Variants in GHR observed in about 807,000 individuals in gnomAD.
The protein encoded by GHR is GH receptor.
GHR carries 35 observed loss-of-function variants against 67.1 expected under a neutral mutation model. The observed-to-expected ratio is 0.52, with a 90% CI of 0.40 to 0.69. The LOEUF (loss-of-function observed/expected upper bound fraction) is 0.69. Ranked by LOEUF, GHR falls within the 30% of genes least tolerant of loss-of-function variation. The pLI is 0.00. For missense variants in GHR, 792 were observed against 764.6 expected, an observed-to-expected ratio of 1.04 and a Z score of -0.42; for synonymous variants, 272 against 269.1, an observed-to-expected ratio of 1.01 and a Z score of -0.10.
At chr5:42,659,827 A>G (rs1561204476) in intron 3 of GHR, among the ~76,000 whole-genome samples, 1 of 152,126 alleles carries the variant, frequency 6.6e-6, no homozygotes. Context: ...CAGGAAGCGC[A>G]AGGGGACAGG....
intron 1 of GHR, among the ~76,000 whole-genome samples, chr5:42,453,816 GACT>G (rs1744148952): frequency 6.6e-6 from 1 of 152,172 alleles, no homozygotes. Context: ...GGGGAACAAG[GACT>G]CCTTTTCCAA....
chr5:42,520,185 T>G (rs1747413864), intron 1 of GHR, among the ~76,000 whole-genome samples: 1 of 152,162 alleles, frequency 6.6e-6, no homozygotes, highest in Admixed American at 6.5e-5. Flanking sequence ...TGTTAGGTAC[T>G]GAGAAGAGAT....
rs150116251 is a variant in GHR, at chr5:42,699,952, C to T, written c.568C>T (p.Leu190=). 146 of 1,602,278 alleles carry T rather than the reference C, an allele frequency of 9.1e-5. 1 individual carries two copies. Among genetic ancestry groups the T allele is most frequent in the Middle Eastern group, 8.3e-4 (5 of 6,046 alleles). ...AGATATTCAGAAAGGATGGATGGTT[C>T]TGGAGTATGAACTTCAATACAAAGA... is the stretch of plus-strand genomic sequence containing the variant. ...NADIQKGWMV[L]EYELQYKEVN... Residue 190 remains leucine (L), a synonymous_variant, in exon 6 of 10, where the codon CTG becomes TTG. Coordinates refer to ENST00000230882, the MANE Select transcript of GHR (RefSeq NM_000163.5).
At chr5:42,623,887 G>C (rs1455880209) in intron 2 of GHR, among the ~76,000 whole-genome samples, 2 of 152,156 alleles carry the variant, frequency 1.3e-5, no homozygotes, top group Non-Finnish European at 2.9e-5. Context: ...GTGATTCTCT[G>C]CTTATGGTCT....
intron 3 of GHR, among the ~76,000 whole-genome samples, chr5:42,669,980 A>G (rs1756192144): frequency 6.6e-6 from 1 of 152,224 alleles, no homozygotes. Flanking sequence ...ATGCAATCCT[A>G]TCAAAATTCC....
Position 42,483,642 on chromosome 5 carries a change from G to A in GHR, c.-12+59687G>A, listed in dbSNP as rs146444277. 2.8e-3 allele frequency among the ~76,000 whole-genome samples: 423 copies of A among 152,262 alleles called. 1 individual carries two copies. The highest frequency in any genetic ancestry group is 9.4e-3 in the African/African-American group (389 of 41,548). ...TACCTAGTTAACACGTTAGGGGAGG[G>A]AATCGAATCTGAAAGTGATACCCAT... is the stretch of plus-strand genomic sequence containing the variant. On this transcript the variant is annotated intron_variant, in intron 1 of 9. Transcript: ENST00000230882.
chr5:42,473,156 G>A (rs1241340298), intron 1 of GHR, among the ~76,000 whole-genome samples: 1 of 152,126 alleles, frequency 6.6e-6, no homozygotes, highest in African/African-American at 2.4e-5. Context: ...ACCCTAACTG[G>A]GTGAATTCAT....
At chr5:42,464,763 CTG>C (rs1744653311) in intron 1 of GHR, among the ~76,000 whole-genome samples, 1 of 152,164 alleles carries the variant, frequency 6.6e-6, no homozygotes, top group South Asian at 2.1e-4. Flanking sequence ...TTATGAATGG[CTG>C]TGTGTGCACA....
At chr5:42,568,026 A>G (rs1252411313) in intron 2 of GHR, among the ~76,000 whole-genome samples, 8 of 152,200 alleles carry the variant, frequency 5.3e-5, no homozygotes, top group African/African-American at 1.7e-4. Flanking sequence ...AAAAGAAAAG[A>G]TACTACTATT....
At chr5:42,543,290 A>G (rs1319174322) in intron 1 of GHR, among the ~76,000 whole-genome samples, 2 of 152,108 alleles carry the variant, frequency 1.3e-5, no homozygotes, top group Admixed American at 1.3e-4. Flanking sequence ...CCTCTACACC[A>G]GCATTTATTG....
chr5:42,484,585 C>T (rs1038822578), intron 1 of GHR, among the ~76,000 whole-genome samples: 1 of 152,318 alleles, frequency 6.6e-6, no homozygotes, highest in Admixed American at 6.5e-5. Flanking sequence ...GACCATGCTG[C>T]CCTGAGGAGA....
chr5:42,687,031 G>C (rs140525446), intron 3 of GHR, among the ~76,000 whole-genome samples: 80 of 152,152 alleles, frequency 5.3e-4, no homozygotes, highest in African/African-American at 1.9e-3. Flanking sequence ...CTATACACCA[G>C]TAACAGACAG....
At chr5:42,578,906 T>C (rs1243930152) in intron 2 of GHR, among the ~76,000 whole-genome samples, 1 of 152,092 alleles carries the variant, frequency 6.6e-6, no homozygotes, top group Admixed American at 6.6e-5. Context: ...TTTCACTACG[T>C]ACAGCAATAA....
intron 3 of GHR, among the ~76,000 whole-genome samples, chr5:42,673,132 A>G (rs1032771025): frequency 7.9e-5 from 12 of 152,214 alleles, no homozygotes; most frequent in Admixed American, 6.5e-4. Context: ...AAGAAGGCAT[A>G]TAAACAGCTA....
chr5:42,521,758 A>C (rs977903877), intron 1 of GHR, among the ~76,000 whole-genome samples: 6 of 152,176 alleles, frequency 3.9e-5, no homozygotes, highest in African/African-American at 1.4e-4. Flanking sequence ...AGAAGAGAGG[A>C]TATTACTTGG....
chr5:42,593,935 A>G (rs1326890787), intron 2 of GHR, among the ~76,000 whole-genome samples: 2 of 152,182 alleles, frequency 1.3e-5, no homozygotes, highest in Admixed American at 6.5e-5. Context: ...TTCTAGTCCA[A>G]CTTCCCTCCA....
intron 3 of GHR, among the ~76,000 whole-genome samples, chr5:42,674,064 AATTTTGATGGTCTC>A (rs1756449895): frequency 6.6e-6 from 1 of 152,114 alleles, no homozygotes; most frequent in South Asian, 2.1e-4. Context: ...AAGTTTCAGG[AATTTTGATGGTCTC>A]ATTAAAGAGA....
intron 6 of GHR, among the ~76,000 whole-genome samples, chr5:42,701,559 A>C (rs1337348699): frequency 6.6e-6 from 1 of 152,226 alleles, no homozygotes; most frequent in Non-Finnish European, 1.5e-5. Flanking sequence ...ATGGTTATTC[A>C]TATTTGAATT....
intron 1 of GHR, among the ~76,000 whole-genome samples, chr5:42,427,501 G>T (rs77187409): frequency 6.6e-6 from 1 of 152,126 alleles, no homozygotes; most frequent in Non-Finnish European, 1.5e-5. Flanking sequence ...CCACATGTGG[G>T]AATTATGGGA....
Sources: gnomAD v4.1 joint callset for allele counts (sites outside exome capture counted in the v4.1 genomes callset) on GRCh38, gnomAD v4.1.1 for gene constraint, MANE v1.5 for transcripts, NCBI Gene and HGNC (gene_info 2026-07-23, HGNC 2026-07-21) for gene names.